Variants in NUMA1 observed in about 807,000 individuals in gnomAD.
NUMA1 encodes the protein nuclear mitotic apparatus protein 1, also known as SP-H antigen.
In NUMA1, 62 loss-of-function variants were observed where a neutral mutation model predicts 237.1. The observed-to-expected ratio is 0.26, with a 90% CI of 0.21 to 0.32. The LOEUF is 0.32. NUMA1 is among the 10% of genes least tolerant of loss of function. NUMA1 has a pLI of 1.00. For missense variants in NUMA1, 2,533 were observed against 2,666.5 expected (o/e 0.95, Z 1.10); for synonymous variants, 1,028 against 1,066.1 (o/e 0.96, Z 0.70).
chr11:72,006,874 A>C (rs779992343), intron 21 of NUMA1, among the ~76,000 whole-genome samples: 2 of 152,242 alleles, frequency 1.3e-5, no homozygotes. Context: ...TCTCAGCTGC[A>C]TGGGGCATGC....
intron 2 of NUMA1, among the ~76,000 whole-genome samples, chr11:72,064,417 G>C (rs956325615): frequency 6.6e-6 from 1 of 151,986 alleles, no homozygotes; most frequent in African/African-American, 2.4e-5. Flanking sequence ...AGCTAGGATT[G>C]CAACTGTACC....
In NUMA1 at chr11:72,012,412, G is replaced by C. The variant is rs1384035310; in HGVS notation, c.4639C>G (p.Gln1547Glu). 2 of 1,613,108 alleles carry C rather than the reference G, an allele frequency of 1.2e-6. No homozygotes were observed. Among genetic ancestry groups the C allele is most frequent in the Non-Finnish European group, 1.7e-6 (2 of 1,179,570 alleles). ...VEQLEVFQRE[Q>E]TKQVEELSKK... ...ACCTCAGGCATTACCTGCTTAGTTTGCTCTCTCTGAAATACCTCTAGCTGC... is the reference window on the plus strand; with the variant it reads ...ACCTCAGGCATTACCTGCTTAGTTTCCTCTCTCTGAAATACCTCTAGCTGC... Residue 1547 changes from glutamine (Q) to glutamate (E), a missense_variant, in exon 16 of 27, where the codon CAA becomes GAA. Gln to Glu is a conservative substitution (Grantham distance 29, BLOSUM62 2). Around this residue, in one of 3 missense-constraint regions of NUMA1, gnomAD observed 795 missense variants for 750.8 expected, o/e 1.06. Transcript: ENST00000393695.
chr11:72,026,117 G>T lies in NUMA1; in HGVS notation c.129-1764C>A, dbSNP rs571414039. Among the ~76,000 whole-genome samples, 3 of 152,292 alleles carry T rather than the reference G, an allele frequency of 2.0e-5. No individual in the cohort carries two copies. In the South Asian group the frequency reaches 6.2e-4, roughly 32 times the overall value. The stretch of plus-strand genomic sequence containing the variant: ...TCCCCCACCCCCTACAAAGCCTGGT[G>T]TAAGTAAAGCTGCATGGAGCATACT... On this transcript the variant is annotated intron_variant, in intron 4 of 26. Transcript: ENST00000393695.
rs372053188 is a variant in NUMA1, at chr11:72,005,341, G to A, written c.5721C>T (p.Cys1907=). The part of the protein sequence containing the change: ...PGRNSFYMGT[C]QDEPEQLDDW... ...CATCCAGCTGCTCAGGCTCATCCTGGCAAGTGCCCATGTAGAAGCTGTTCC... is the reference window on the plus strand; with the variant it reads ...CATCCAGCTGCTCAGGCTCATCCTGACAAGTGCCCATGTAGAAGCTGTTCC... The change falls in exon 23 of 27, where the codon TGC becomes TGT. Residue 1907 remains cysteine, a synonymous_variant. Transcript: ENST00000393695. 46 of 1,608,224 alleles carry A rather than the reference G, an allele frequency of 2.9e-5. No individual in the cohort carries two copies. The highest frequency in any genetic ancestry group is 3.3e-4 in the Middle Eastern group (2 of 6,066).
intron 15 of NUMA1, 104 bp downstream of exon 15, chr11:72,012,791 A>T: frequency 6.8e-7 from 1 of 1,476,450 alleles, no homozygotes; most frequent in Non-Finnish European, 9.1e-7. Flanking sequence ...GAGGAAAGGC[A>T]AGACACTCCA....
At position 72,010,778 on chromosome 11, in the gene NUMA1, T is replaced by C. The variant is rs1348835506; in HGVS notation, c.4719+8A>G. On this transcript the variant is annotated splice_region_variant and intron_variant, in intron 17 of 26. Coordinates refer to ENST00000393695, the MANE Select transcript of NUMA1 (RefSeq NM_006185.4). ...CAGAGGCCAGACCCATTCCCCCAGCTGCCCCACCTTCAGCTTCTGCTGCTG... is the reference window on the plus strand; with the variant it reads ...CAGAGGCCAGACCCATTCCCCCAGCCGCCCCACCTTCAGCTTCTGCTGCTG... 1.2e-6 allele frequency: 2 copies of C among 1,612,656 alleles called. No homozygotes were observed. The highest frequency in any genetic ancestry group is 2.2e-5 in the South Asian group (2 of 91,004).
chr11:72,046,896 G>A (rs1942031636), intron 2 of NUMA1, among the ~76,000 whole-genome samples: 1 of 152,106 alleles, frequency 6.6e-6, no homozygotes, highest in Non-Finnish European at 1.5e-5. Context: ...GGAGGCGGAG[G>A]TTGCAGTGAG....
chr11:72,056,246 C>T (rs142127412), intron 2 of NUMA1, among the ~76,000 whole-genome samples: 2,479 of 151,982 alleles, frequency 0.016, 73 homozygotes, highest in African/African-American at 0.057. Flanking sequence ...ATCACTTGAG[C>T]TCAGGAGTTT....
rs748220685 is a variant in NUMA1, at chr11:72,015,880, C to G, written c.1623G>C (p.Gln541His). The G allele has an allele frequency of 1.2e-6, 2 of 1,614,142 alleles. No individual in the cohort carries two copies. The highest frequency in any genetic ancestry group is 1.7e-6 in the Non-Finnish European group (2 of 1,180,024). Residue 541 changes from glutamine (Q) to histidine (H), a missense_variant, in exon 15 of 27, where the codon CAG (glutamine) becomes CAC (histidine). Around this residue, in one of 3 missense-constraint regions of NUMA1, gnomAD observed 1,414 missense variants for 1,508.1 expected, o/e 0.94. Transcript: ENST00000393695. The surrounding 1 kb of genome is among the most constrained non-coding windows in gnomAD (Gnocchi z 4.0). Reference sequence around the variant, plus strand: ...GGAGGCCCTGGGAGGCCTGTTCTTGCTGTTGGAGGGTCTGTGCTAGCTGGG... The same window carrying G: ...GGAGGCCCTGGGAGGCCTGTTCTTGGTGTTGGAGGGTCTGTGCTAGCTGGG... ...KQAQLAQTLQ[Q>H]QEQASQGLRH...
chr11:72,074,374 T>C (rs1033507666), intron 1 of NUMA1, among the ~76,000 whole-genome samples: 17 of 151,894 alleles, frequency 1.1e-4, no homozygotes, highest in African/African-American at 4.1e-4. Flanking sequence ...AAAGAAGTAG[T>C]TTCTGTAAAG....
In NUMA1 at chr11:72,007,168, C is replaced by T; in HGVS notation, c.5463+21G>A. 3 of 1,603,366 alleles carry T rather than the reference C, an allele frequency of 1.9e-6. No homozygotes were observed. The South Asian group carries it at 3.3e-5, about 18-fold the overall frequency. ...GGAAGTGGGAATTGCTGCCCTGCAG[C>T]CCCTGTCCCAGCAGCCTGACCTTGG... On this transcript the variant is annotated intron_variant, in intron 21 of 26. Transcript: ENST00000393695.
chr11:72,054,148 CAT>C (rs1156350686), intron 2 of NUMA1, among the ~76,000 whole-genome samples: 4 of 152,174 alleles, frequency 2.6e-5, no homozygotes, highest in East Asian at 1.9e-4. Flanking sequence ...AATAAATGAA[CAT>C]GTGTGCCAAA....
intron 9 of NUMA1, 121 bp from the exon 10 acceptor site, chr11:72,019,101 C>T: frequency 1.8e-6 from 2 of 1,104,436 alleles, no homozygotes; most frequent in Non-Finnish European, 2.6e-6. Context: ...GAGGCCTGTG[C>T]ACCTGGGTTG....
Position 72,014,048 on chromosome 11 carries a change from G to T in NUMA1, c.3455C>A (p.Ala1152Asp). The T allele has an allele frequency of 6.2e-7, 1 of 1,610,926 alleles. No homozygotes were observed. The highest frequency in any genetic ancestry group is 1.1e-5 in the South Asian group (1 of 91,076). ...QADSLERSLE[A>D]ERASRAERDS... ...CCGCTCAGCCCGGGAGGCCCGCTCA[G>T]CCTCGAGGCTGCGTTCCAGGCTGTC... The change falls in exon 15 of 27, where the codon GCT becomes GAT. Residue 1152 changes from alanine to aspartate, a missense_variant. Transcript: ENST00000393695. This position sits in a 1 kb window ranked among gnomAD's most constrained non-coding sequence, Gnocchi z 4.6.
intron 2 of NUMA1, among the ~76,000 whole-genome samples, chr11:72,051,047 C>T (rs149687851): frequency 1.2e-4 from 19 of 152,226 alleles, no homozygotes; most frequent in Middle Eastern, 6.8e-3. Flanking sequence ...CGCGCCACCA[C>T]GCCTGGCTAT....
intron 3 of NUMA1, among the ~76,000 whole-genome samples, 185 bp from the exon 4 acceptor site, chr11:72,029,475 A>C (rs1939247): frequency 1.3e-5 from 2 of 152,280 alleles, no homozygotes; most frequent in African/African-American, 4.8e-5. Context: ...AGCCACCTGA[A>C]ATGCAACCAT....
At position 72,004,042 on chromosome 11, in the gene NUMA1, TC is replaced by T; in HGVS notation, c.6180del (p.Asn2061ThrfsTer151). 1 of 1,613,704 alleles carries T rather than the reference TC, an allele frequency of 6.2e-7. No homozygotes were observed. Among genetic ancestry groups the T allele is most frequent in the Non-Finnish European group, 8.5e-7 (1 of 1,179,796 alleles). ...GAGGCTCCCCGCCGCAGAAGGCTGT[TC>T]CCTAGCTTCTTGGGTGTGTTGAGGA... ...FSILNTPKKL[G>X]NSLLRRGASK... On this transcript the variant is annotated frameshift_variant, in exon 26 of 27. Coordinates refer to ENST00000393695, the MANE Select transcript of NUMA1 (RefSeq NM_006185.4). LOFTEE classifies it high-confidence loss of function.
chr11:72,035,830 C>G, intron 3 of NUMA1, 72 bp downstream of exon 3: 3 of 1,449,648 alleles, frequency 2.1e-6, no homozygotes, highest in Non-Finnish European at 2.9e-6. Context: ...CTGGCTCCTA[C>G]AAAACTCCTC....
chr11:72,062,243 G>C (rs585228), intron 2 of NUMA1, among the ~76,000 whole-genome samples: 134,758 of 152,090 alleles, frequency 0.89, 59,988 homozygotes, highest in Non-Finnish European at 0.95. Flanking sequence ...TACTTCAAAA[G>C]GTCATTTTAA....
Sources: allele counts gnomAD v4.1 joint callset (sites outside exome capture counted in the v4.1 genomes callset), GRCh38; gene constraint gnomAD v4.1.1; regional missense constraint gnomAD v4.1.1; non-coding constraint Gnocchi (gnomAD v3.1); transcripts MANE v1.5; gene names NCBI Gene and HGNC (gene_info 2026-07-23, HGNC 2026-07-21).